The following TASOR variants were observed in gnomAD, a reference collection of about 807,000 sequenced individuals.
TASOR encodes transcription activation suppressor.
In TASOR, 53 loss-of-function variants were observed where a neutral mutation model predicts 178.6. That is an observed-to-expected ratio of 0.30 (90% CI 0.24 to 0.37). TASOR has a LOEUF of 0.37. TASOR is among the 10% of genes least tolerant of loss of function. The pLI is 1.00. For synonymous variants in TASOR, 713 were observed against 696.2 expected, an observed-to-expected ratio of 1.02 and a Z score of -0.38; for missense variants, 1,815 against 1,971.4, an observed-to-expected ratio of 0.92 and a Z score of 1.50.
Position 56,624,962 on chromosome 3 carries a change from T to C in TASOR, c.4184A>G (p.Tyr1395Cys). 6.2e-7 allele frequency: 1 copy of C among 1,614,124 alleles called. No individual in the cohort carries two copies. The highest frequency in any genetic ancestry group is 8.5e-7 in the Non-Finnish European group (1 of 1,179,970). Residue 1395 changes from tyrosine to cysteine, a missense_variant, in exon 22 of 24, where the codon TAT (tyrosine) becomes TGT (cysteine). By Grantham distance (194) the Tyr-to-Cys change is radical. Coordinates refer to ENST00000683822, the MANE Select transcript of TASOR (RefSeq NM_001365635.2). ...ALSLLTLLNV[Y>C]QKKHLVEILS... ...AATTTCAACCAGATGTTTCTTCTGA[T>C]AGACATTCAGAAGCGTCAACAGACT... is the stretch of plus-strand genomic sequence containing the variant.
chr3:56,628,475 T>C lies in TASOR; in HGVS notation c.3870+17A>G, dbSNP rs1285065437. ...AGTTTTTAAAACCAAAGTAGTGAAT[T>C]TGACTTAATAGTCTACCTTGTGAAT... is the stretch of plus-strand genomic sequence containing the variant. On this transcript the variant is annotated intron_variant, in intron 19 of 23. Transcript: ENST00000683822. 6.3e-7 allele frequency: 1 copy of C among 1,590,314 alleles called. No homozygotes were observed. The highest frequency in any genetic ancestry group is 1.4e-5 in the African/African-American group (1 of 73,748).
chr3:56,662,410 T>C lies in TASOR; in HGVS notation c.1135A>G (p.Thr379Ala). ...LLCYISLRSATRAFLPIKLPE... is the reference protein window; with the variant it reads ...LLCYISLRSAARAFLPIKLPE... ...AGTTTGATAGGCAAAAAAGCACGAG[T>C]GGCTGACCTCAGAGAAATATAACAC... Residue 379 changes from threonine (T) to alanine (A), a missense_variant, in exon 9 of 24, where the codon ACT becomes GCT. Physicochemically the swap from Thr to Ala is moderately conservative, Grantham distance 58. Around this residue, in one of 5 missense-constraint regions of TASOR, gnomAD observed 504 missense variants for 645.3 expected, o/e 0.78. Coordinates refer to ENST00000683822, the MANE Select transcript of TASOR (RefSeq NM_001365635.2). The C allele has an allele frequency of 6.5e-7, 1 of 1,549,404 alleles. No individual in the cohort carries two copies. The highest frequency in any genetic ancestry group is 8.7e-7 in the Non-Finnish European group (1 of 1,145,498).
chr3:56,627,456 G>C lies in TASOR; in HGVS notation c.4030+126C>G, dbSNP rs913180494. ...TAAGAGAAGGAGAAAGAAATTTGAGGTAATAAAAGCTCAAGAAAAGACTGA... is the reference window on the plus strand; with the variant it reads ...TAAGAGAAGGAGAAAGAAATTTGAGCTAATAAAAGCTCAAGAAAAGACTGA... On this transcript the variant is annotated intron_variant, in intron 20 of 23. Coordinates refer to ENST00000683822, the MANE Select transcript of TASOR (RefSeq NM_001365635.2). 3.8e-6 allele frequency: 4 copies of C among 1,041,934 alleles called. No individual in the cohort carries two copies. The African/African-American group carries it at 6.5e-5, about 17-fold the overall frequency. 64.5% of individuals were successfully genotyped at this position (1,041,934 alleles called of 1,614,324 possible).
At position 56,661,068 on chromosome 3, in the gene TASOR, A is replaced by T; in HGVS notation, c.1161-51T>A. On this transcript the variant is annotated intron_variant, in intron 9 of 23. Coordinates refer to ENST00000683822, the MANE Select transcript of TASOR (RefSeq NM_001365635.2). ...TTGCCTTATCTGTATTTTCAACTCT[A>T]GCAATCTTAACACATACACAAAAAA... is the stretch of plus-strand genomic sequence containing the variant. The T allele has an allele frequency of 3.2e-6, 4 of 1,251,530 alleles. No individual in the cohort carries two copies. In the South Asian group the frequency reaches 3.9e-5, roughly 12 times the overall value. The allele number at this position is 1,251,530 out of a possible 1,614,324, so 77.5% of individuals were successfully genotyped here.
chr3:56,662,687 C>G lies in TASOR; in HGVS notation c.1055-197G>C, dbSNP rs961269211. 4.6e-5 allele frequency among the ~76,000 whole-genome samples: 7 copies of G among 151,618 alleles called. No homozygotes were observed. In the East Asian group the frequency reaches 1.4e-3, roughly 29 times the overall value. ...TAGGATTTTTGTTTCAGGTATTTATCCCCTACAAAATCATTCCAGTTGCAA... is the reference window on the plus strand; with the variant it reads ...TAGGATTTTTGTTTCAGGTATTTATGCCCTACAAAATCATTCCAGTTGCAA... On this transcript the variant is annotated intron_variant, in intron 8 of 23. Transcript: ENST00000683822.
intron 8 of TASOR, 22 bp from the exon 9 acceptor site, chr3:56,662,512 A>G (rs1448742549): frequency 7.9e-7 from 1 of 1,264,830 alleles, no homozygotes; most frequent in Non-Finnish European, 1.1e-6. Flanking sequence ...GAATATAATG[A>G]CACAGCTTAG....
intron 6 of TASOR, 103 bp from the exon 7 acceptor site, chr3:56,666,487 C>T: frequency 1.2e-6 from 1 of 853,162 alleles, no homozygotes; most frequent in Non-Finnish European, 1.6e-6. Flanking sequence ...ATATGCACTT[C>T]TGACAAAAAA....
At chr3:56,625,581 A>G (rs538010907) in intron 21 of TASOR, among the ~76,000 whole-genome samples, 1 of 152,332 alleles carries the variant, frequency 6.6e-6, no homozygotes, top group South Asian at 2.1e-4. Flanking sequence ...CAGGAGGCAG[A>G]GGTTGCAGTG....
intron 9 of TASOR, among the ~76,000 whole-genome samples, chr3:56,661,809 T>C (rs906607735): frequency 6.6e-6 from 1 of 152,184 alleles, no homozygotes; most frequent in African/African-American, 2.4e-5. Context: ...TAAAAAATTA[T>C]ATTTCAGACT....
rs537576143 is a variant in TASOR at position 56,631,622 on chromosome 3, C to T, written c.3747+1422G>A. Among the ~76,000 whole-genome samples the T allele has an allele frequency of 2.9e-5, 4 of 138,980 alleles. No homozygotes were observed. The South Asian group carries it at 9.4e-4, about 33-fold the overall frequency. The allele number at this position is 138,980 out of a possible 152,430, so 91.2% of individuals were successfully genotyped here. On this transcript the variant is annotated intron_variant, in intron 18 of 23. Coordinates refer to ENST00000683822, the MANE Select transcript of TASOR (RefSeq NM_001365635.2). ...TTTTTGAGATGGAGTCTTGCTCTGT[C>T]GCCCAGGCTGGAGTGCACTGGCGTG...
intron 14 of TASOR, among the ~76,000 whole-genome samples, chr3:56,644,178 T>C (rs79432835): frequency 0.053 from 8,047 of 152,270 alleles, 701 homozygotes; most frequent in African/African-American, 0.18. Context: ...TTCATAACTT[T>C]TGGTAAAGTT....
At chr3:56,641,305 C>T (rs770295019) in intron 15 of TASOR, 44 bp downstream of exon 15, 10 of 1,526,776 alleles carry the variant, frequency 6.5e-6, no homozygotes, top group Non-Finnish European at 8.8e-6. Flanking sequence ...CTCTTTCACA[C>T]ACACACTCAC....
chr3:56,641,718 A>G lies in TASOR; in HGVS notation c.2250T>C (p.Asp750=). 6.2e-7 allele frequency: 1 copy of G among 1,614,170 alleles called. No homozygotes were observed. The highest frequency in any genetic ancestry group is 8.5e-7 in the Non-Finnish European group (1 of 1,179,996). Residue 750 remains aspartate, a synonymous_variant, in exon 15 of 24, where the codon GAT becomes GAC. Transcript: ENST00000683822. The part of the protein sequence containing the change: ...SPQPIGSLGH[D]ADLRRQQQDT... ...CCTGCTGCTGCCGCCTCAAGTCAGCATCATGTCCAAGTGAGCCAATAGGCT... is the reference window on the plus strand; with the variant it reads ...CCTGCTGCTGCCGCCTCAAGTCAGCGTCATGTCCAAGTGAGCCAATAGGCT...
rs574857268 is a variant in TASOR, at chr3:56,663,595, G to T, written c.1023-23C>A. On this transcript the variant is annotated intron_variant, in intron 7 of 23. Transcript: ENST00000683822. ...GATCTACAAATTTTTTAAAAGAAAAGAAAAACATTACTCATTAGTATAATC... is the reference window on the plus strand; with the variant it reads ...GATCTACAAATTTTTTAAAAGAAAATAAAAACATTACTCATTAGTATAATC... The T allele has an allele frequency of 2.2e-5, 29 of 1,301,744 alleles. No individual in the cohort carries two copies. In the East Asian group the frequency reaches 5.4e-4, roughly 24 times the overall value. The allele number at this position is 1,301,744 out of a possible 1,614,324, so 80.6% of individuals were successfully genotyped here.
In TASOR at chr3:56,673,695, C is replaced by T. The variant is rs2030978017; in HGVS notation, c.362G>A (p.Arg121Gln). Residue 121 changes from arginine to glutamine, a missense_variant, in exon 2 of 24, where the codon CGA (arginine) becomes CAA (glutamine). Transcript: ENST00000683822. Reference sequence around the variant, plus strand: ...AATATTTACAACATCTTCAAATTCTCGAGAGCCTGGAGTTAATGGCTGGAA... The same window carrying T: ...AATATTTACAACATCTTCAAATTCTTGAGAGCCTGGAGTTAATGGCTGGAA... Reference protein sequence around the residue: ...ALFQPLTPGSREFEDVVNILH... With the variant: ...ALFQPLTPGSQEFEDVVNILH... 3 of 1,548,752 alleles carry T rather than the reference C, an allele frequency of 1.9e-6. No individual in the cohort carries two copies. Among genetic ancestry groups the T allele is most frequent in the Non-Finnish European group, 1.7e-6 (2 of 1,146,134 alleles).
intron 11 of TASOR, among the ~76,000 whole-genome samples, chr3:56,657,656 C>T (rs1375512434): frequency 6.6e-6 from 1 of 152,080 alleles, no homozygotes; most frequent in Non-Finnish European, 1.5e-5. Context: ...AGGTTAAGTC[C>T]AGAGGTGCCA....
Position 56,621,463 on chromosome 3 carries a change from T to C in TASOR, c.*1574A>G. 1 of 1,033,630 alleles carries C rather than the reference T, an allele frequency of 9.7e-7. No individual in the cohort carries two copies. Among genetic ancestry groups the C allele is most frequent in the South Asian group, 1.7e-5 (1 of 58,464 alleles). The allele number at this position is 1,033,630 out of a possible 1,614,324, so 64.0% of individuals were successfully genotyped here. A position where few individuals can be genotyped will look rare whatever the true frequency, so the allele number is the denominator to read the frequency against. On this transcript the variant is annotated 3_prime_UTR_variant, in exon 24 of 24. Coordinates refer to ENST00000683822, the MANE Select transcript of TASOR (RefSeq NM_001365635.2). Reference sequence around the variant, plus strand: ...TATGTTTTCCAAGTGAATATAATTCTAGTTTAACACAACATTGCAAGTCAG... The same window carrying C: ...TATGTTTTCCAAGTGAATATAATTCCAGTTTAACACAACATTGCAAGTCAG...
chr3:56,621,436 G>T lies in TASOR; in HGVS notation c.*1601C>A. ...TGAATGACAAAATTTTATCCTAAGC[G>T]ATATGTTTTCCAAGTGAATATAATT... On this transcript the variant is annotated 3_prime_UTR_variant, in exon 24 of 24. Coordinates refer to ENST00000683822, the MANE Select transcript of TASOR (RefSeq NM_001365635.2). 1 of 836,478 alleles carries T rather than the reference G, an allele frequency of 1.2e-6. No homozygotes were observed. The highest frequency in any genetic ancestry group is 2.4e-5 in the South Asian group (1 of 42,176). 51.8% of individuals were successfully genotyped at this position (836,478 alleles called of 1,614,324 possible).
At chr3:56,654,191 CG>C (rs2077420410) in intron 11 of TASOR, among the ~76,000 whole-genome samples, 1 of 151,846 alleles carries the variant, frequency 6.6e-6, no homozygotes, top group Non-Finnish European at 1.5e-5. Flanking sequence ...CCCTTGAACC[CG>C]GGAGGCAGAG....
Sources: gnomAD v4.1 joint callset for allele counts (sites outside exome capture counted in the v4.1 genomes callset) on GRCh38, gnomAD v4.1.1 for gene constraint, gnomAD v4.1.1 regional missense constraint, MANE v1.5 for transcripts, NCBI Gene and HGNC (gene_info 2026-07-23, HGNC 2026-07-21) for gene names.